The following MTRF1 variants were observed in gnomAD, a reference collection of about 807,000 sequenced individuals.
MTRF1 encodes peptide chain release factor 1, mitochondrial.
MTRF1 carries 51 observed loss-of-function variants against 62.9 expected under a neutral mutation model. The ratio of observed to expected loss-of-function variants is 0.81; its 90% CI spans 0.65 to 1.02. The LOEUF (loss-of-function observed/expected upper bound fraction) is 1.02, where lower values mean the gene tolerates loss of function less well. MTRF1 is among the 50% of genes least tolerant of loss of function. The pLI is 0.00. For missense variants in MTRF1, 446 were observed against 530.0 expected, an observed-to-expected ratio of 0.84 and a Z score of 1.56; for synonymous variants, 158 against 181.9, an observed-to-expected ratio of 0.87 and a Z score of 1.06.
intron 5 of MTRF1, among the ~76,000 whole-genome samples, chr13:41,241,299 G>T (rs1262598142): frequency 2.6e-5 from 4 of 152,100 alleles, no homozygotes; most frequent in Middle Eastern, 3.2e-3. Context: ...CTGCGTTGGG[G>T]TCCCAAAGTG....
chr13:41,293,041 C>T, the MTRF1 span, among the ~76,000 whole-genome samples: 1 of 152,214 alleles, frequency 6.6e-6, no homozygotes, highest in Non-Finnish European at 1.5e-5. Context: ...GCCATGTGAA[C>T]ACATTCCAAT....
At chr13:41,308,584 G>T in the MTRF1 span, among the ~76,000 whole-genome samples, 34 of 152,170 alleles carry the variant, frequency 2.2e-4, no homozygotes, top group East Asian at 1.9e-4. Flanking sequence ...TTCTCCGGGT[G>T]GGGGACTGCC....
At chr13:41,270,887 G>A in the MTRF1 span, among the ~76,000 whole-genome samples, 4 of 151,904 alleles carry the variant, frequency 2.6e-5, no homozygotes, top group South Asian at 4.1e-4. Context: ...ACAGGCATGC[G>A]CCACCATGCC....
intron 2 of MTRF1, 98 bp from the exon 3 acceptor site, chr13:41,254,718 A>C: frequency 1.2e-6 from 1 of 806,464 alleles, no homozygotes; most frequent in Non-Finnish European, 2.0e-6. Context: ...GTTTTATTTC[A>C]GTTGCAAAGG....
intron 6 of MTRF1, 65 bp downstream of exon 6, chr13:41,240,196 C>A: frequency 6.9e-7 from 1 of 1,440,892 alleles, no homozygotes. Context: ...TTCCTAGAAG[C>A]TAAGGCTTCC....
At chr13:41,221,376 G>T (rs1187606251) in intron 9 of MTRF1, among the ~76,000 whole-genome samples, 2 of 151,916 alleles carry the variant, frequency 1.3e-5, no homozygotes, top group African/African-American at 4.8e-5. Flanking sequence ...AGCCAGGATG[G>T]TCTCGATTCC....
intron 8 of MTRF1, among the ~76,000 whole-genome samples, chr13:41,225,333 T>C (rs747990772): frequency 1.4e-4 from 21 of 152,154 alleles, no homozygotes; most frequent in Admixed American, 3.3e-4. Context: ...TTATCACTTA[T>C]TTGCCAAGAA....
intron 2 of MTRF1, among the ~76,000 whole-genome samples, chr13:41,259,712 A>AAACAAAAACAAAAAAAAAC (rs2040194158): frequency 7.3e-6 from 1 of 136,714 alleles, no homozygotes; most frequent in African/African-American, 2.8e-5. Flanking sequence ...AAAAAAAAAA[A>AAACAAAAACAAAAAAAAAC]AAAAAAAAAC....
intron 7 of MTRF1, among the ~76,000 whole-genome samples, chr13:41,232,722 C>A (rs2035806160): frequency 6.6e-6 from 1 of 152,122 alleles, no homozygotes; most frequent in Non-Finnish European, 1.5e-5. Flanking sequence ...CAACACAGAA[C>A]AGAGATGAAA....
At chr13:41,238,277 G>A (rs1282807874) in intron 6 of MTRF1, among the ~76,000 whole-genome samples, 2 of 152,104 alleles carry the variant, frequency 1.3e-5, no homozygotes, top group Non-Finnish European at 2.9e-5. Flanking sequence ...TCAAATGATG[G>A]TATCATTTCA....
intron 6 of MTRF1, chr13:41,236,094 G>A (rs1376178867): frequency 1.5e-5 from 2 of 136,230 alleles, no homozygotes; most frequent in Non-Finnish European, 3.2e-5. Flanking sequence ...AAATATTTTT[G>A]TTTTGTTTTG....
At chr13:41,257,452 C>A (rs2039878725) in intron 2 of MTRF1, among the ~76,000 whole-genome samples, 1 of 152,208 alleles carries the variant, frequency 6.6e-6, no homozygotes, top group African/African-American at 2.4e-5. Context: ...GACTTTGAAT[C>A]ATCCATCAAG....
At chr13:41,282,907 C>T in the MTRF1 span, among the ~76,000 whole-genome samples, 2 of 152,302 alleles carry the variant, frequency 1.3e-5, no homozygotes, top group East Asian at 1.9e-4. Context: ...AGGTCATTGG[C>T]GACTGCCCTT....
chr13:41,269,804 A>C, the MTRF1 span, among the ~76,000 whole-genome samples: 2 of 152,222 alleles, frequency 1.3e-5, no homozygotes, highest in African/African-American at 4.8e-5. Context: ...GCAAAATTAT[A>C]ACTGGGACAG....
At chr13:41,264,151 CT>C (rs1394837075), upstream of MTRF1, among the ~76,000 whole-genome samples, 5 of 152,204 alleles carry the variant, frequency 3.3e-5, no homozygotes, top group Non-Finnish European at 7.3e-5. Context: ...CGTGTAATTT[CT>C]ATACTTTCAG....
upstream of MTRF1, among the ~76,000 whole-genome samples, chr13:41,266,438 C>G (rs561109536): frequency 6.6e-6 from 1 of 151,820 alleles, no homozygotes; most frequent in African/African-American, 2.4e-5. Context: ...ACGGTGAAAC[C>G]CTATCTCTGC....
chr13:41,298,777 C>T, the MTRF1 span, among the ~76,000 whole-genome samples: 1 of 152,150 alleles, frequency 6.6e-6, no homozygotes, highest in Admixed American at 6.5e-5. Context: ...TATATCAAGT[C>T]AGGTTCTCCT....
chr13:41,286,084 A>ACAT, the MTRF1 span, among the ~76,000 whole-genome samples: 6 of 108,450 alleles, frequency 5.5e-5, no homozygotes, highest in Non-Finnish European at 3.8e-5. Context: ...AACAACAACA[A>ACAT]CAACAAAAAA....
the MTRF1 span, among the ~76,000 whole-genome samples, chr13:41,272,921 C>G: frequency 3.3e-5 from 5 of 152,026 alleles, no homozygotes; most frequent in Non-Finnish European, 5.9e-5. Context: ...TTTGGGAGAT[C>G]AGGGATTTTC....
Sources: allele counts gnomAD v4.1 joint callset (sites outside exome capture counted in the v4.1 genomes callset), GRCh38; gene constraint gnomAD v4.1.1; transcripts MANE v1.5; gene names NCBI Gene and HGNC (gene_info 2026-07-23, HGNC 2026-07-21).